The following ZNF91 variants were observed in gnomAD, a reference collection of about 807,000 sequenced individuals.
ZNF91 encodes zinc finger protein 91 (HPF7, HTF10).
ZNF91 carries 7 observed loss-of-function variants against 12.6 expected under a neutral mutation model. That is an observed-to-expected ratio of 0.55 (90% confidence interval 0.31 to 1.04). The LOEUF is 1.04. Ranked by LOEUF, ZNF91 falls within the 50% of genes least tolerant of loss-of-function variation. ZNF91 has a pLI of 0.05. For missense variants in ZNF91, 1,217 were observed against 1,385.4 expected (o/e 0.88, Z 1.93); for synonymous variants, 453 against 462.6 (o/e 0.98, Z 0.27).
At chr19:23,384,616 T>G in intron 1 of ZNF91, 1 of 807,746 alleles carries the variant, frequency 1.2e-6, no homozygotes, top group South Asian at 3.6e-5. Context: ...TCTCCCGATA[T>G]CATCAGTCCC....
intron 1 of ZNF91, chr19:23,324,378 T>C (rs1967796741): frequency 6.6e-6 from 1 of 152,036 alleles, no homozygotes; most frequent in African/African-American, 2.4e-5. Context: ...ACTCCTTCTC[T>C]TACTGTGCCA....
At chr19:23,338,758 A>G (rs1968063993) in exon 4 of ZNF91, 1 of 152,158 alleles carries the variant, frequency 6.6e-6, no homozygotes, top group African/African-American at 2.4e-5. Flanking sequence ...TCCTTCATTG[A>G]AATGTATAGA....
In ZNF91 at chr19:23,360,147, G is replaced by A. The variant is rs781041189; in HGVS notation, c.2832C>T (p.Gly944=). 2 of 1,612,614 alleles carry A rather than the reference G, an allele frequency of 1.2e-6. No homozygotes were observed. Among genetic ancestry groups the A allele is most frequent in the African/African-American group, 2.7e-5 (2 of 74,566 alleles). ...GEKPYKCEEC[G]KAFSQSSTLT... is the part of the protein sequence containing the mutation. Reference sequence around the variant, plus strand: ...GGGTTGAGGATTGGCTAAAAGCTTTGCCACATTCTTCACATTTGTAGGGTT... The same window carrying A: ...GGGTTGAGGATTGGCTAAAAGCTTTACCACATTCTTCACATTTGTAGGGTT... The change falls in exon 4 of 4, where the codon GGC becomes GGT. Residue 944 remains glycine (G), a synonymous_variant. Transcript: ENST00000300619.
chr19:23,391,948 A>G (rs1970076509), intron 1 of ZNF91, among the ~76,000 whole-genome samples: 1 of 152,240 alleles, frequency 6.6e-6, no homozygotes, highest in African/African-American at 2.4e-5. Context: ...AGGTGGTAGA[A>G]TAATTCAGCA....
chr19:23,384,244 T>A (rs1969804771), intron 1 of ZNF91, among the ~76,000 whole-genome samples: 1 of 152,138 alleles, frequency 6.6e-6, no homozygotes, highest in Non-Finnish European at 1.5e-5. Context: ...AACTTACAAA[T>A]AACTTCAGTA....
chr19:23,331,977 T>C (rs539167556), intron 1 of ZNF91, among the ~76,000 whole-genome samples: 1 of 152,344 alleles, frequency 6.6e-6, no homozygotes, highest in South Asian at 2.1e-4. Context: ...AATCCAGTCC[T>C]AACCAGAAAC....
At chr19:23,350,188 A>AC (rs1307264200) in intron 3 of ZNF91, among the ~76,000 whole-genome samples, 4 of 152,216 alleles carry the variant, frequency 2.6e-5, no homozygotes, top group Non-Finnish European at 4.4e-5. Context: ...GTCTTAACAT[A>AC]GACGATAACA....
rs1459063105 is a variant in ZNF91 at position 23,383,952 on chromosome 19, A to T, written c.31-9188T>A. On this transcript the variant is annotated intron_variant, in intron 1 of 3. Coordinates refer to ENST00000300619, the MANE Select transcript of ZNF91 (RefSeq NM_003430.4). ...TGGTGAAACCCTGTCTCTACTAAAAATACAAAAATTAGCCAAGCGTGGTGT... is the reference window on the plus strand; with the variant it reads ...TGGTGAAACCCTGTCTCTACTAAAATTACAAAAATTAGCCAAGCGTGGTGT... Among the ~76,000 whole-genome samples, 4 of 152,178 alleles carry T rather than the reference A, an allele frequency of 2.6e-5. No homozygotes were observed. The East Asian group carries it at 7.8e-4, about 30-fold the overall frequency.
At position 23,322,764 on chromosome 19, in the gene ZNF91, TTTTC is replaced by T. The variant is rs1421656725; in HGVS notation, n.117-13671_117-13668del. Among the ~76,000 whole-genome samples the T allele has an allele frequency of 3.5e-5, 5 of 141,386 alleles. No individual in the cohort carries two copies. In the East Asian group the frequency reaches 1.1e-3, roughly 31 times the overall value. The allele number at this position is 141,386 out of a possible 152,430, so 92.8% of individuals were successfully genotyped here. A position where few individuals can be genotyped will look rare whatever the true frequency, so the allele number is the denominator to read the frequency against. ...TCCCCATTCATGTTCTCCTGCTCCT[TTTTC>T]TTTCTCCCCTCTTCTTCCTCACCTC... is the stretch of plus-strand genomic sequence containing the variant. On this transcript the variant is annotated intron_variant and non_coding_transcript_variant, in intron 1 of 1. Coordinates refer to the ZNF91 transcript ENST00000596528.
intron 3 of ZNF91, among the ~76,000 whole-genome samples, chr19:23,363,099 A>G (rs1346468552): frequency 6.6e-6 from 1 of 152,220 alleles, no homozygotes; most frequent in African/African-American, 2.4e-5. Flanking sequence ...TCAGGGGAGC[A>G]CAATGCAAAA....
At chr19:23,326,662 T>C (rs1396109089) in intron 1 of ZNF91, 1 of 152,194 alleles carries the variant, frequency 6.6e-6, no homozygotes, top group Admixed American at 6.5e-5. Flanking sequence ...ATGAAATTTT[T>C]GAAGATTTTG....
downstream of ZNF91, among the ~76,000 whole-genome samples, chr19:23,336,140 A>G (rs1358156474): frequency 3.9e-5 from 6 of 152,178 alleles, no homozygotes; most frequent in Non-Finnish European, 8.8e-5. Flanking sequence ...AGTAATTTTA[A>G]CTAATATATT....
intron 3 of ZNF91, among the ~76,000 whole-genome samples, chr19:23,346,139 T>A: frequency 6.6e-6 from 1 of 151,990 alleles, no homozygotes; most frequent in Non-Finnish European, 1.5e-5. Flanking sequence ...TCTCTCAAAT[T>A]AACAAAAAGA....
chr19:23,325,266 G>C (rs1427715044), intron 1 of ZNF91: 2 of 152,012 alleles, frequency 1.3e-5, no homozygotes, highest in Non-Finnish European at 2.9e-5. Context: ...TTAGAGACAT[G>C]TGCAACACTT....
chr19:23,350,747 CAG>C (rs1223187337), intron 3 of ZNF91, among the ~76,000 whole-genome samples: 1 of 152,034 alleles, frequency 6.6e-6, no homozygotes, highest in East Asian at 1.9e-4. Context: ...GAGATATGGC[CAG>C]GAGACACATT....
chr19:23,390,374 G>A (rs545722056), intron 1 of ZNF91, among the ~76,000 whole-genome samples: 10 of 152,216 alleles, frequency 6.6e-5, no homozygotes, highest in South Asian at 2.1e-4. Context: ...ATAAGACCAA[G>A]AATAAAGGTG....
chr19:23,328,167 T>C (rs927793362), intron 1 of ZNF91: 3 of 152,176 alleles, frequency 2.0e-5, no homozygotes, highest in Admixed American at 1.3e-4. Context: ...ATACAGTTGC[T>C]AATCTCATTA....
intron 1 of ZNF91, among the ~76,000 whole-genome samples, chr19:23,332,497 G>A (rs907072646): frequency 6.6e-6 from 1 of 151,712 alleles, no homozygotes; most frequent in African/African-American, 2.4e-5. Flanking sequence ...CCAGGGCTGT[G>A]CTTCTGACCC....
At chr19:23,307,427 G>A (rs1309420746) in intron 2 of ZNF91, 1 of 152,110 alleles carries the variant, frequency 6.6e-6, no homozygotes, top group South Asian at 2.1e-4. Context: ...GTGACGTATT[G>A]CTTAGTCCAG....
Sources: allele counts gnomAD v4.1 joint callset (sites outside exome capture counted in the v4.1 genomes callset), GRCh38; gene constraint gnomAD v4.1.1; transcripts MANE v1.5; gene names NCBI Gene and HGNC (gene_info 2026-07-23, HGNC 2026-07-21).